EPHA5: variants seen among roughly 807,000 people sequenced by gnomAD.
EPHA5 encodes ephrin type-A receptor 5.
Under a neutral mutation model 105.0 loss-of-function variants are expected in EPHA5, and 60 were observed. That is an observed-to-expected ratio of 0.57 (90% CI 0.46 to 0.71). EPHA5 has a LOEUF of 0.71. Among genes scored for constraint, EPHA5 ranks in the 30% least tolerant of loss-of-function variants. The probability of loss-of-function intolerance (pLI) is 0.00; values close to 1 mark genes in which losing one functional copy is unlikely to be tolerated. For synonymous variants in EPHA5, 513 were observed against 449.1 expected (o/e 1.14, Z -1.80); for missense variants, 1,218 against 1,274.7 (o/e 0.96, Z 0.68).
At chr4:65,496,492 T>C (rs935025678) in intron 3 of EPHA5, among the ~76,000 whole-genome samples, 1 of 151,160 alleles carries the variant, frequency 6.6e-6, no homozygotes, top group Non-Finnish European at 1.5e-5. Context: ...TGGTTTTTTG[T>C]TCTTGCGATA....
At chr4:65,593,539 G>A (rs1452349416) in intron 3 of EPHA5, among the ~76,000 whole-genome samples, 1 of 152,094 alleles carries the variant, frequency 6.6e-6, no homozygotes, top group African/African-American at 2.4e-5. Context: ...AACATTCTGG[G>A]GTAAGGCTGA....
At chr4:65,553,512 A>G (rs1422032226) in intron 3 of EPHA5, among the ~76,000 whole-genome samples, 1 of 152,092 alleles carries the variant, frequency 6.6e-6, no homozygotes, top group African/African-American at 2.4e-5. Flanking sequence ...TTCAAAAAGA[A>G]TACTTGGTTG....
intron 3 of EPHA5, among the ~76,000 whole-genome samples, chr4:65,592,398 G>A (rs1742753729): frequency 1.3e-5 from 2 of 152,002 alleles, no homozygotes; most frequent in African/African-American, 4.8e-5. Flanking sequence ...GAATTTTAAT[G>A]CCCCAGAATC....
chr4:65,524,580 A>G (rs976840730), intron 3 of EPHA5, among the ~76,000 whole-genome samples: 3 of 151,810 alleles, frequency 2.0e-5, no homozygotes, highest in Admixed American at 2.0e-4. Context: ...AACTTAAATT[A>G]GTCAAATGAA....
At chr4:65,499,828 T>C (rs1008704747) in intron 3 of EPHA5, among the ~76,000 whole-genome samples, 1 of 107,632 alleles carries the variant, frequency 9.3e-6, no homozygotes, top group African/African-American at 2.6e-5. Context: ...AAATGTATAA[T>C]CTTTTTTTTT....
chr4:65,615,057 A>T (rs1232592707), intron 2 of EPHA5, among the ~76,000 whole-genome samples: 1 of 151,876 alleles, frequency 6.6e-6, no homozygotes, highest in Non-Finnish European at 1.5e-5. Flanking sequence ...GAATGCAATT[A>T]TGCTAAATTG....
At chr4:65,435,845 T>C (rs953369852) in intron 5 of EPHA5, among the ~76,000 whole-genome samples, 2 of 152,066 alleles carry the variant, frequency 1.3e-5, no homozygotes, top group African/African-American at 4.8e-5. Flanking sequence ...CCATCCACAA[T>C]TGGTGGATTC....
chr4:65,541,981 C>T (rs1163889171), intron 3 of EPHA5, among the ~76,000 whole-genome samples: 2 of 151,942 alleles, frequency 1.3e-5, no homozygotes, highest in African/African-American at 4.8e-5. Context: ...CAACCTGTTC[C>T]TAAATGACTC....
intron 12 of EPHA5, among the ~76,000 whole-genome samples, chr4:65,352,218 A>G (rs370973338): frequency 2.0e-4 from 31 of 152,172 alleles, no homozygotes; most frequent in African/African-American, 5.8e-4. Flanking sequence ...AGAAAATTTG[A>G]TAAAATAATT....
rs1041910939 is a variant in EPHA5, at chr4:65,664,387, G to T, written c.181+5175C>A. ...GCATCTCACTCAATAAATGTTTGTT[G>T]ATTACTTTAAAGATAGGTACTAATA... On this transcript the variant is annotated intron_variant, in intron 1 of 16. Transcript: ENST00000613740. Among the ~76,000 whole-genome samples the T allele has an allele frequency of 7.2e-5, 11 of 151,834 alleles. No homozygotes were observed. In the South Asian group the frequency reaches 2.3e-3, roughly 32 times the overall value.
chr4:65,560,770 T>A (rs140734186), intron 3 of EPHA5, among the ~76,000 whole-genome samples: 76 of 152,210 alleles, frequency 5.0e-4, no homozygotes, highest in African/African-American at 1.7e-3. Flanking sequence ...ACATAATTCC[T>A]GCCTGTTAAA....
chr4:65,405,976 G>T (rs943649375), intron 7 of EPHA5, among the ~76,000 whole-genome samples: 4 of 151,966 alleles, frequency 2.6e-5, no homozygotes, highest in Non-Finnish European at 5.9e-5. Flanking sequence ...AATGTTACTT[G>T]AGTGAGCTGC....
chr4:65,495,658 C>T, intron 3 of EPHA5, 115 bp from the exon 4 acceptor site: 1 of 801,596 alleles, frequency 1.2e-6, no homozygotes, highest in Non-Finnish European at 1.9e-6. Flanking sequence ...ACAATCTTTG[C>T]ATCAATTTCA....
intron 2 of EPHA5, among the ~76,000 whole-genome samples, chr4:65,609,808 G>T (rs1190843420): frequency 7.1e-6 from 1 of 141,640 alleles, no homozygotes; most frequent in African/African-American, 3.1e-5. Flanking sequence ...AACAGTTTAT[G>T]ATTTAATCAA....
chr4:65,461,075 T>TAA (rs1728077976), intron 5 of EPHA5, among the ~76,000 whole-genome samples: 1 of 151,870 alleles, frequency 6.6e-6, no homozygotes. Flanking sequence ...ATAAATACCC[T>TAA]CATAATTACA....
intron 3 of EPHA5, among the ~76,000 whole-genome samples, chr4:65,507,081 A>C (rs1733110096): frequency 6.6e-6 from 1 of 152,204 alleles, no homozygotes; most frequent in African/African-American, 2.4e-5. Context: ...AGCTTTCTGC[A>C]TATGGCTAGT....
At chr4:65,639,788 G>T (rs1421777854) in intron 2 of EPHA5, among the ~76,000 whole-genome samples, 1 of 152,004 alleles carries the variant, frequency 6.6e-6, no homozygotes, top group African/African-American at 2.4e-5. Context: ...CTGTTCCTCA[G>T]ATTTGATTAT....
intron 3 of EPHA5, among the ~76,000 whole-genome samples, chr4:65,511,782 G>T (rs71612723): frequency 0.043 from 6,472 of 152,066 alleles, 232 homozygotes; most frequent in African/African-American, 0.089. Flanking sequence ...CTAATACTTT[G>T]GTTTTTAAGC....
At chr4:65,363,563 G>A (rs1034485102) in intron 11 of EPHA5, among the ~76,000 whole-genome samples, 1 of 151,474 alleles carries the variant, frequency 6.6e-6, no homozygotes, top group Non-Finnish European at 1.5e-5. Context: ...GGGGTAACGG[G>A]ATGTCATAGT....
Sources: gnomAD v4.1 joint callset for allele counts (sites outside exome capture counted in the v4.1 genomes callset) on GRCh38, gnomAD v4.1.1 for gene constraint, MANE v1.5 for transcripts, NCBI Gene and HGNC (gene_info 2026-07-23, HGNC 2026-07-21) for gene names.